Variants in GNG12 observed in about 807,000 individuals in gnomAD.
GNG12 encodes the protein G protein subunit gamma 12.
For synonymous variants in GNG12, 28 were observed against 29.7 expected, an observed-to-expected ratio of 0.94 and a Z score of 0.19; for missense variants, 69 against 83.8, an observed-to-expected ratio of 0.82 and a Z score of 0.69.
At chr1:67,720,399 T>C (rs570646529) in intron 2 of GNG12, among the ~76,000 whole-genome samples, 1 of 152,300 alleles carries the variant, frequency 6.6e-6, no homozygotes, top group South Asian at 2.1e-4. Flanking sequence ...CAGTCAACAC[T>C]AAGAATGACG....
chr1:67,810,078 C>T (rs1030837349), intron 1 of GNG12, among the ~76,000 whole-genome samples: 1 of 152,080 alleles, frequency 6.6e-6, no homozygotes, highest in Non-Finnish European at 1.5e-5. Flanking sequence ...TAGAATATTA[C>T]TCAGTGCTAA....
At chr1:67,752,924 G>A (rs139714554) in intron 2 of GNG12, among the ~76,000 whole-genome samples, 182 of 152,232 alleles carry the variant, frequency 1.2e-3, no homozygotes, top group African/African-American at 4.1e-3. Context: ...AAGGTGGCTC[G>A]AATCTGACCT....
intron 2 of GNG12, among the ~76,000 whole-genome samples, chr1:67,745,598 C>A (rs114201819): frequency 1.3e-5 from 2 of 152,128 alleles, no homozygotes; most frequent in Non-Finnish European, 2.9e-5. Flanking sequence ...AAAATGGTGT[C>A]CGTCCCCTTA....
intron 1 of GNG12, among the ~76,000 whole-genome samples, chr1:67,832,124 CA>C (rs1242638770): frequency 2.0e-5 from 3 of 152,188 alleles, no homozygotes; most frequent in East Asian, 3.8e-4. Flanking sequence ...GCAAAGACAG[CA>C]GGGGGGAGAG....
In GNG12 at chr1:67,830,709, A is replaced by T. The variant is rs561173462; in HGVS notation, c.-77+2635T>A. ...ACTTTAGCACTAAAAGCATATTAAAACTATTAATCCTTTAATCATAATTAT... is the reference window on the plus strand; with the variant it reads ...ACTTTAGCACTAAAAGCATATTAAATCTATTAATCCTTTAATCATAATTAT... On this transcript the variant is annotated intron_variant, in intron 1 of 3. Transcript: ENST00000370982. Among the ~76,000 whole-genome samples, 8 of 152,336 alleles carry T rather than the reference A, an allele frequency of 5.3e-5. 1 individual carries two copies. The East Asian group carries it at 1.5e-3, about 29-fold the overall frequency.
chr1:67,744,299 C>T (rs145007508), intron 2 of GNG12, among the ~76,000 whole-genome samples: 137 of 152,224 alleles, frequency 9.0e-4, no homozygotes, highest in Non-Finnish European at 1.7e-3. Context: ...AATGCTGGTT[C>T]CCCGGGTGCC....
intron 1 of GNG12, among the ~76,000 whole-genome samples, chr1:67,812,014 T>C (rs1646929082): frequency 6.6e-6 from 1 of 152,176 alleles, no homozygotes; most frequent in African/African-American, 2.4e-5. Context: ...GTCACAGTTC[T>C]CAGGAAAAGG....
At chr1:67,777,531 T>C (rs1646712724) in intron 1 of GNG12, 24 bp from the exon 2 acceptor site, 3 of 621,290 alleles carry the variant, frequency 4.8e-6, no homozygotes, top group South Asian at 1.4e-4. Context: ...AAATAAACAT[T>C]CCATAAGTAA....
chr1:67,770,055 C>A (rs557856314), intron 2 of GNG12, among the ~76,000 whole-genome samples: 8 of 152,314 alleles, frequency 5.3e-5, no homozygotes, highest in African/African-American at 1.9e-4. Context: ...GTGTCTCACA[C>A]TGGGTCTGAG....
intron 2 of GNG12, among the ~76,000 whole-genome samples, chr1:67,742,012 T>C (rs525772): frequency 0.87 from 132,468 of 152,186 alleles, 58,078 homozygotes; most frequent in African/African-American, 0.95. Flanking sequence ...GGTAAGTCAT[T>C]TTTTGGAAAG....
chr1:67,791,784 C>T (rs1646802977), intron 1 of GNG12, among the ~76,000 whole-genome samples: 1 of 152,122 alleles, frequency 6.6e-6, no homozygotes, highest in African/African-American at 2.4e-5. Context: ...CTCCTCAACC[C>T]CCCATCTAGT....
chr1:67,757,734 G>A (rs1646578309), intron 2 of GNG12, among the ~76,000 whole-genome samples: 1 of 151,938 alleles, frequency 6.6e-6, no homozygotes, highest in African/African-American at 2.4e-5. Flanking sequence ...TGGTCACAGT[G>A]GAAAAAAATC....
chr1:67,830,650 T>G (rs1557631033), intron 1 of GNG12, among the ~76,000 whole-genome samples: 1 of 152,260 alleles, frequency 6.6e-6, no homozygotes, highest in Non-Finnish European at 1.5e-5. Context: ...GATAATGCAA[T>G]GTTTCTGACT....
chr1:67,735,256 G>A (rs1570498397), intron 2 of GNG12, among the ~76,000 whole-genome samples: 1 of 152,154 alleles, frequency 6.6e-6, no homozygotes. Context: ...CTTCTTTCAC[G>A]CAAGACTTCT....
At chr1:67,726,817 C>A (rs1646389066) in intron 2 of GNG12, among the ~76,000 whole-genome samples, 1 of 152,114 alleles carries the variant, frequency 6.6e-6, no homozygotes, top group Non-Finnish European at 1.5e-5. Context: ...TGCATGTGTT[C>A]TCATCATTCT....
intron 3 of GNG12, 58 bp from the exon 4 acceptor site, chr1:67,705,634 A>T: frequency 6.4e-7 from 1 of 1,568,340 alleles, no homozygotes; most frequent in South Asian, 1.2e-5. Context: ...GCACACTTTC[A>T]GAGCGTATTT....
chr1:67,755,096 C>T (rs1000523632), intron 2 of GNG12, among the ~76,000 whole-genome samples: 1 of 152,242 alleles, frequency 6.6e-6, no homozygotes, highest in Admixed American at 6.5e-5. Flanking sequence ...AGTTCTTTAT[C>T]TGTCCGCCTT....
chr1:67,793,757 T>C (rs1175965931), intron 1 of GNG12, among the ~76,000 whole-genome samples: 2 of 152,214 alleles, frequency 1.3e-5, no homozygotes, highest in Non-Finnish European at 2.9e-5. Context: ...AAAGCTTCAC[T>C]GCCAGCCCTC....
At chr1:67,710,102 T>TTA (rs1306580882) in intron 2 of GNG12, among the ~76,000 whole-genome samples, 1 of 20,404 alleles carries the variant, frequency 4.9e-5, no homozygotes, top group African/African-American at 1.6e-4. Flanking sequence ...ATATATATAG[T>TTA]TATATATATA....
Sources: allele counts gnomAD v4.1 joint callset (sites outside exome capture counted in the v4.1 genomes callset), GRCh38; gene constraint gnomAD v4.1.1; transcripts MANE v1.5; gene names NCBI Gene and HGNC (gene_info 2026-07-23, HGNC 2026-07-21).